The following UBE2U variants were observed in gnomAD, a reference collection of about 807,000 sequenced individuals.
The protein encoded by UBE2U is ubiquitin conjugating enzyme E2 U.
In UBE2U, 39 loss-of-function variants were observed where a neutral mutation model predicts 41.2. The ratio of observed to expected loss-of-function variants is 0.95; its 90% CI spans 0.73 to 1.24. The LOEUF (loss-of-function observed/expected upper bound fraction) is 1.24, where lower values mean the gene tolerates loss of function less well. Ranked by LOEUF, UBE2U falls within the 50% of genes most tolerant of loss-of-function variation. UBE2U has a pLI of 0.00. For missense variants in UBE2U, 336 were observed against 363.1 expected (o/e 0.93, Z 0.61); for synonymous variants, 107 against 117.8 (o/e 0.91, Z 0.60).
chr1:64,223,144 G>C (rs1351083933), intron 6 of UBE2U, among the ~76,000 whole-genome samples: 1 of 152,150 alleles, frequency 6.6e-6, no homozygotes, highest in Non-Finnish European at 1.5e-5. Context: ...TGTATACCAG[G>C]CATTGTGCCC....
chr1:64,246,198 T>C (rs927474384), intron 8 of UBE2U, among the ~76,000 whole-genome samples: 1 of 152,202 alleles, frequency 6.6e-6, no homozygotes, highest in Non-Finnish European at 1.5e-5. Context: ...AACTTTCTTA[T>C]ATCTGTAAAT....
intron 5 of UBE2U, among the ~76,000 whole-genome samples, chr1:64,215,943 CCTT>C (rs1651981312): frequency 6.6e-6 from 1 of 152,182 alleles, no homozygotes; most frequent in African/African-American, 2.4e-5. Context: ...TCCTGCCCCA[CCTT>C]CTTCTGGTAG....
chr1:64,231,856 GA>G (rs1234970179), intron 6 of UBE2U, among the ~76,000 whole-genome samples: 2 of 152,182 alleles, frequency 1.3e-5, no homozygotes, highest in Admixed American at 6.5e-5. Flanking sequence ...TCACATGTCT[GA>G]AAAAATATGC....
Position 64,230,506 on chromosome 1 carries a change from A to G in UBE2U, c.507-2055A>G, listed in dbSNP as rs905686731. Among the ~76,000 whole-genome samples, 6 of 152,050 alleles carry G rather than the reference A, an allele frequency of 3.9e-5. No homozygotes were observed. The East Asian group carries it at 9.6e-4, about 24-fold the overall frequency. ...AATTGTTCTATAATTTCTTCCCCCA[A>G]CATCCTCTGTGTGTACATATGTGCA... On this transcript the variant is annotated intron_variant, in intron 6 of 9. Coordinates refer to ENST00000371077, the MANE Select transcript of UBE2U (RefSeq NM_001366232.2).
rs77208645 is a variant in UBE2U, at chr1:64,204,328, C to A, written c.66+212C>A. Among the ~76,000 whole-genome samples, 553 of 152,162 alleles carry A rather than the reference C, an allele frequency of 3.6e-3. 8 individuals are homozygous for A. In the East Asian group the frequency reaches 0.045, roughly 12 times the overall value. On this transcript the variant is annotated intron_variant, in intron 1 of 9. Coordinates refer to ENST00000371077, the MANE Select transcript of UBE2U (RefSeq NM_001366232.2). ...AATAATAATGCTTAACAATATTGAA[C>A]ATATTATGCAGAGTAATTTATGTGG...
intron 7 of UBE2U, among the ~76,000 whole-genome samples, chr1:64,239,053 A>C (rs1397581675): frequency 1.7e-5 from 1 of 60,462 alleles, no homozygotes; most frequent in South Asian, 4.9e-4. Flanking sequence ...AAAAAGAAGA[A>C]GAAGAAGAAG....
chr1:64,218,871 G>A (rs1652213865), intron 5 of UBE2U, among the ~76,000 whole-genome samples: 1 of 152,114 alleles, frequency 6.6e-6, no homozygotes, highest in African/African-American at 2.4e-5. Flanking sequence ...TTCTGACAAA[G>A]CTATAAAACA....
chr1:64,235,454 G>T (rs1570061200), intron 7 of UBE2U, among the ~76,000 whole-genome samples: 3 of 152,120 alleles, frequency 2.0e-5, no homozygotes, highest in Non-Finnish European at 4.4e-5. Context: ...TCTTTTGATA[G>T]TTCAGCTGGA....
chr1:64,265,672 G>A (rs1437748819), intron 9 of UBE2U, among the ~76,000 whole-genome samples: 5 of 152,060 alleles, frequency 3.3e-5, no homozygotes, highest in African/African-American at 1.2e-4. Flanking sequence ...TCTGCCTTCC[G>A]GGTTCAAGTG....
intron 8 of UBE2U, among the ~76,000 whole-genome samples, chr1:64,248,734 A>G (rs1482504023): frequency 6.6e-6 from 1 of 152,206 alleles, no homozygotes; most frequent in African/African-American, 2.4e-5. Context: ...TTTTGAAGAC[A>G]AAGATTTGTC....
intron 6 of UBE2U, among the ~76,000 whole-genome samples, chr1:64,229,426 A>C (rs1337608786): frequency 1.3e-5 from 2 of 152,204 alleles, no homozygotes; most frequent in Admixed American, 1.3e-4. Context: ...GGCTCTTTTC[A>C]TGCATGATTT....
intron 8 of UBE2U, among the ~76,000 whole-genome samples, chr1:64,247,275 C>G (rs1309240318): frequency 6.6e-6 from 1 of 152,154 alleles, no homozygotes; most frequent in African/African-American, 2.4e-5. Context: ...GGTTGTAGCA[C>G]AAAATCCAGT....
At chr1:64,243,656 C>G (rs1254869680) in intron 8 of UBE2U, among the ~76,000 whole-genome samples, 1 of 152,154 alleles carries the variant, frequency 6.6e-6, no homozygotes, top group Non-Finnish European at 1.5e-5. Context: ...ACCTGTCTCT[C>G]CTGCTACTTC....
chr1:64,210,125 G>T (rs1651574463), intron 3 of UBE2U, among the ~76,000 whole-genome samples: 1 of 152,142 alleles, frequency 6.6e-6, no homozygotes, highest in Non-Finnish European at 1.5e-5. Context: ...GGCTTTTGCA[G>T]TTGTCTTTCA....
intron 6 of UBE2U, 113 bp from the exon 7 acceptor site, chr1:64,232,448 C>A (rs1644584746): frequency 9.8e-6 from 6 of 613,448 alleles, no homozygotes; most frequent in Non-Finnish European, 1.6e-5. Flanking sequence ...ATTTGCAAGT[C>A]AGTTTAATAT....
chr1:64,257,445 GATC>G (rs1374537239), intron 8 of UBE2U, among the ~76,000 whole-genome samples: 1 of 152,184 alleles, frequency 6.6e-6, no homozygotes, highest in African/African-American at 2.4e-5. Flanking sequence ...AAAAGAACGA[GATC>G]ATGTCCTTTG....
chr1:64,225,798 TA>T (rs1437082752), intron 6 of UBE2U, among the ~76,000 whole-genome samples: 5 of 152,238 alleles, frequency 3.3e-5, no homozygotes, highest in African/African-American at 7.2e-5. Flanking sequence ...TGCTGTCATT[TA>T]CTGAGATGGA....
intron 7 of UBE2U, among the ~76,000 whole-genome samples, chr1:64,238,936 G>A (rs886705354): frequency 6.6e-6 from 1 of 151,550 alleles, no homozygotes; most frequent in Non-Finnish European, 1.5e-5. Context: ...CAGCTACTTG[G>A]GAGGCTTGAG....
At chr1:64,239,138 GAA>G (rs1231869844) in intron 7 of UBE2U, among the ~76,000 whole-genome samples, 1 of 29,802 alleles carries the variant, frequency 3.4e-5, no homozygotes, top group Admixed American at 3.9e-4. Flanking sequence ...AGAAGAAGAA[GAA>G]GAAGAAGAAG....
Sources: allele counts gnomAD v4.1 joint callset (sites outside exome capture counted in the v4.1 genomes callset), GRCh38; gene constraint gnomAD v4.1.1; transcripts MANE v1.5; gene names NCBI Gene and HGNC (gene_info 2026-07-23, HGNC 2026-07-21).